SIRT1: variants seen among roughly 807,000 people sequenced by gnomAD.
SIRT1 encodes NAD-dependent protein deacetylase sirtuin-1.
A neutral mutation model predicts 67.9 loss-of-function variants in SIRT1; 24 were observed. The ratio of observed to expected loss-of-function variants is 0.35; its 90% confidence interval spans 0.26 to 0.50. SIRT1 has a LOEUF of 0.50. Among genes scored for constraint, SIRT1 ranks in the 20% least tolerant of loss-of-function variants. The pLI, the probability that SIRT1 is intolerant of heterozygous loss-of-function variation, is 0.98. For synonymous variants in SIRT1, 378 were observed against 350.7 expected, an observed-to-expected ratio of 1.08 and a Z score of -0.87; for missense variants, 873 against 937.2, an observed-to-expected ratio of 0.93 and a Z score of 0.89.
chr10:67,892,463 C>T lies in SIRT1; in HGVS notation c.942+909C>T, dbSNP rs1564884698. Among the ~76,000 whole-genome samples the T allele has an allele frequency of 3.9e-5, 6 of 152,108 alleles. No individual in the cohort carries two copies. In the South Asian group the frequency reaches 1.2e-3, roughly 31 times the overall value. On this transcript the variant is annotated intron_variant, in intron 4 of 8. Coordinates refer to ENST00000212015, the MANE Select transcript of SIRT1 (RefSeq NM_012238.5). ...TGGTGTGCACCTGTAGACCCATCCACTCAGTAGTCTGAGGTGGGAAGATCC... is the reference window on the plus strand; with the variant it reads ...TGGTGTGCACCTGTAGACCCATCCATTCAGTAGTCTGAGGTGGGAAGATCC...
At chr10:67,895,866 T>C (rs948266263) in intron 4 of SIRT1, among the ~76,000 whole-genome samples, 12 of 149,986 alleles carry the variant, frequency 8.0e-5, no homozygotes, top group Non-Finnish European at 1.6e-4. Flanking sequence ...CTCAGTCTAC[T>C]GAGTAGCTGG....
At chr10:67,888,763 A>G in intron 2 of SIRT1, 119 bp from the exon 3 acceptor site, 1 of 1,093,882 alleles carries the variant, frequency 9.1e-7, no homozygotes, top group East Asian at 2.4e-5. Context: ...ATACCATTAA[A>G]TTGCATTTTC....
rs772270140 is a variant in SIRT1, at chr10:67,916,249, T to A, written c.1916-16T>A. 1 of 1,582,544 alleles carries A rather than the reference T, an allele frequency of 6.3e-7. No homozygotes were observed. Among genetic ancestry groups the A allele is most frequent in the Non-Finnish European group, 8.6e-7 (1 of 1,158,158 alleles). On this transcript the variant is annotated splice_polypyrimidine_tract_variant and intron_variant, in intron 8 of 8. Transcript: ENST00000212015. ...GTTAGAAAACTGAAAGTAACATTTT[T>A]ATTACTGTATTTCAGGTAATCAGTA... is the stretch of plus-strand genomic sequence containing the variant.
At chr10:67,900,128 A>G (rs916527178) in intron 4 of SIRT1, among the ~76,000 whole-genome samples, 14 of 151,980 alleles carry the variant, frequency 9.2e-5, no homozygotes, top group African/African-American at 3.4e-4. Context: ...ATAAAGCAGC[A>G]CCCAGCTTTA....
At chr10:67,889,642 A>G (rs1842537961) in intron 3 of SIRT1, among the ~76,000 whole-genome samples, 1 of 152,212 alleles carries the variant, frequency 6.6e-6, no homozygotes, top group Admixed American at 6.5e-5. Context: ...GTTACCTAAG[A>G]CTATTGCATA....
Position 67,916,624 on chromosome 10 carries a change from C to A in SIRT1, c.*31C>A. On this transcript the variant is annotated 3_prime_UTR_variant, in exon 9 of 9. Coordinates refer to ENST00000212015, the MANE Select transcript of SIRT1 (RefSeq NM_012238.5). ...TAATTGTGCAGGTACAGGAATTGTT[C>A]CACCAGCATTAGGAACTTTAGCATG... 1.3e-6 allele frequency: 2 copies of A among 1,551,836 alleles called. No homozygotes were observed. Among genetic ancestry groups the A allele is most frequent in the South Asian group, 1.2e-5 (1 of 84,040 alleles).
intron 4 of SIRT1, among the ~76,000 whole-genome samples, chr10:67,895,120 A>G (rs554423331): frequency 2.0e-5 from 3 of 152,228 alleles, no homozygotes; most frequent in African/African-American, 7.2e-5. Context: ...GGAACTGACT[A>G]AAAAAAGAAA....
chr10:67,907,509 GAAAA>G (rs1310155863), intron 5 of SIRT1, among the ~76,000 whole-genome samples: 12 of 111,004 alleles, frequency 1.1e-4, no homozygotes, highest in African/African-American at 3.9e-4. Flanking sequence ...AAAAAAAAAA[GAAAA>G]AGAAATTCTG....
Position 67,884,752 on chromosome 10 carries a change from C to T in SIRT1, c.31C>T (p.Pro11Ser). 1.1e-5 allele frequency: 13 copies of T among 1,228,868 alleles called. No individual in the cohort carries two copies. The highest frequency in any genetic ancestry group is 1.6e-5 in the African/African-American group (1 of 64,340). 76.1% of individuals were successfully genotyped at this position (1,228,868 alleles called of 1,614,324 possible). The change falls in exon 1 of 9, where the codon CCC (proline) becomes TCC (serine). Residue 11 changes from proline to serine, a missense_variant. Physicochemically the swap from Pro to Ser is moderately conservative, Grantham distance 74. Transcript: ENST00000212015. MADEAALALQ[P>S]GGSPSAAGAD... ...GGACGAGGCGGCCCTCGCCCTTCAG[C>T]CCGGCGGCTCCCCCTCGGCGGCGGG...
chr10:67,907,046 A>G, intron 5 of SIRT1, 109 bp downstream of exon 5: 1 of 973,608 alleles, frequency 1.0e-6, no homozygotes, highest in South Asian at 2.2e-5. Flanking sequence ...TTATTTAATC[A>G]TGTTATCTCA....
intron 4 of SIRT1, among the ~76,000 whole-genome samples, chr10:67,892,975 G>C (rs1842597039): frequency 6.6e-6 from 1 of 152,238 alleles, no homozygotes. Flanking sequence ...CTATTGTACA[G>C]CTCTGCTTTA....
At chr10:67,901,710 T>C (rs969548182) in intron 4 of SIRT1, among the ~76,000 whole-genome samples, 9 of 152,250 alleles carry the variant, frequency 5.9e-5, no homozygotes, top group Non-Finnish European at 2.9e-5. Flanking sequence ...ATTGACATTC[T>C]CTTGTGTTAG....
chr10:67,905,227 T>C (rs966530742), intron 4 of SIRT1, among the ~76,000 whole-genome samples: 19 of 151,652 alleles, frequency 1.3e-4, no homozygotes, highest in African/African-American at 4.2e-4. Flanking sequence ...CAATGCTTAA[T>C]CTCTCAAATG....
chr10:67,895,526 GAGTC>G (rs1440371144), intron 4 of SIRT1, among the ~76,000 whole-genome samples: 1 of 152,110 alleles, frequency 6.6e-6, no homozygotes, highest in Non-Finnish European at 1.5e-5. Context: ...GCTTTTCTGT[GAGTC>G]AGTGTACTAG....
intron 4 of SIRT1, among the ~76,000 whole-genome samples, 195 bp downstream of exon 4, chr10:67,891,749 T>C (rs1175834383): frequency 6.6e-6 from 1 of 152,146 alleles, no homozygotes; most frequent in East Asian, 1.9e-4. Flanking sequence ...ATTTTAGGAG[T>C]GAGCTTATTT....
At position 67,885,087 on chromosome 10, in the gene SIRT1, C is replaced by G. The variant is rs1479697482; in HGVS notation, c.366C>G (p.Asp122Glu). Reference protein sequence around the residue: ...REPPLADNLYDEDDDDEGEEE... With the variant: ...REPPLADNLYEEDDDDEGEEE... ...CACCGCTGGCCGACAACTTGTACGACGAAGACGACGACGACGAGGGCGAGG... is the reference window on the plus strand; with the variant it reads ...CACCGCTGGCCGACAACTTGTACGAGGAAGACGACGACGACGAGGGCGAGG... Residue 122 changes from aspartate (D) to glutamate (E), a missense_variant, in exon 1 of 9, where the codon GAC (aspartate) becomes GAG (glutamate). Around this residue, in one of 3 missense-constraint regions of SIRT1, gnomAD observed 327 missense variants for 283.9 expected, o/e 1.15. Coordinates refer to ENST00000212015, the MANE Select transcript of SIRT1 (RefSeq NM_012238.5). The G allele has an allele frequency of 6.9e-7, 1 of 1,446,876 alleles. No homozygotes were observed. The highest frequency in any genetic ancestry group is 2.6e-5 in the Admixed American group (1 of 37,742). 89.6% of individuals were successfully genotyped at this position (1,446,876 alleles called of 1,614,324 possible).
At chr10:67,902,959 C>T (rs532922455) in intron 4 of SIRT1, among the ~76,000 whole-genome samples, 6 of 152,154 alleles carry the variant, frequency 3.9e-5, no homozygotes, top group South Asian at 2.1e-4. Flanking sequence ...AATGTGGTGG[C>T]GCGCACCTGT....
chr10:67,896,651 C>T (rs910765929), intron 4 of SIRT1, among the ~76,000 whole-genome samples: 3 of 149,094 alleles, frequency 2.0e-5, no homozygotes, highest in East Asian at 4.0e-4. Flanking sequence ...AAAAATTAGC[C>T]GGGTGTGGTG....
rs1253732619 is a variant in SIRT1, at chr10:67,888,900, A to G, written c.566A>G (p.Gln189Arg). ...ATTGTAGGTCCATATACTTTTGTTC[A>G]GCAACATCTTATGATTGGCACAGAT... ...RPRIGPYTFVQQHLMIGTDPR... is the reference protein window; with the variant it reads ...RPRIGPYTFVRQHLMIGTDPR... Residue 189 changes from glutamine (Q) to arginine (R), a missense_variant, in exon 3 of 9, where the codon CAG (glutamine) becomes CGG (arginine). Around this residue, in one of 3 missense-constraint regions of SIRT1, gnomAD observed 327 missense variants for 283.9 expected, o/e 1.15. Transcript: ENST00000212015. The G allele has an allele frequency of 6.2e-7, 1 of 1,612,356 alleles. No individual in the cohort carries two copies. Among genetic ancestry groups the G allele is most frequent in the Non-Finnish European group, 8.5e-7 (1 of 1,178,938 alleles).
Sources: allele counts gnomAD v4.1 joint callset (sites outside exome capture counted in the v4.1 genomes callset), GRCh38; gene constraint gnomAD v4.1.1; regional missense constraint gnomAD v4.1.1; transcripts MANE v1.5; gene names NCBI Gene and HGNC (gene_info 2026-07-23, HGNC 2026-07-21).